The following PDE2A variants were observed in gnomAD, a reference collection of about 807,000 sequenced individuals.
PDE2A encodes phosphodiesterase 2A.
PDE2A carries 53 observed loss-of-function variants against 133.6 expected under a neutral mutation model. The ratio of observed to expected loss-of-function variants is 0.40; its 90% CI spans 0.32 to 0.50. PDE2A has a LOEUF of 0.50. Among genes scored for constraint, PDE2A ranks in the 20% least tolerant of loss-of-function variants. The pLI is 0.73. For synonymous variants in PDE2A, 491 were observed against 490.2 expected (o/e 1.00, Z -0.02); for missense variants, 796 against 1,232.4 (o/e 0.65, Z 5.30).
chr11:72,664,278 T>C (rs1003334394), intron 1 of PDE2A, among the ~76,000 whole-genome samples: 4 of 151,790 alleles, frequency 2.6e-5, no homozygotes, highest in Non-Finnish European at 5.9e-5. Flanking sequence ...ATCTCCATAA[T>C]ACTTGCTTCA....
intron 1 of PDE2A, among the ~76,000 whole-genome samples, chr11:72,644,788 C>T (rs1366044898): frequency 3.3e-5 from 5 of 151,820 alleles, no homozygotes; most frequent in East Asian, 1.9e-4. Context: ...GACGGAGTCT[C>T]GCTCTGTCAC....
chr11:72,616,138 G>A (rs1857460867), intron 2 of PDE2A, among the ~76,000 whole-genome samples: 1 of 152,230 alleles, frequency 6.6e-6, no homozygotes, highest in Admixed American at 6.5e-5. Flanking sequence ...CGCTGGGTCA[G>A]TGTCAGAAGA....
At chr11:72,670,379 C>T (rs932923597) in intron 1 of PDE2A, among the ~76,000 whole-genome samples, 20 of 152,108 alleles carry the variant, frequency 1.3e-4, no homozygotes, top group Admixed American at 1.2e-3. Flanking sequence ...GATCTCCCTC[C>T]TCTGTTCCCT....
intron 4 of PDE2A, among the ~76,000 whole-genome samples, chr11:72,602,787 G>T (rs1293782570): frequency 6.6e-6 from 1 of 152,194 alleles, no homozygotes. Flanking sequence ...AGAGAGACAG[G>T]GAGGGGGCTG....
chr11:72,665,574 G>A (rs1166041755), intron 1 of PDE2A, among the ~76,000 whole-genome samples: 1 of 152,190 alleles, frequency 6.6e-6, no homozygotes, highest in Non-Finnish European at 1.5e-5. Flanking sequence ...CAAGAGAGCT[G>A]AGGCACGTTC....
chr11:72,633,708 C>A (rs1386586766), intron 2 of PDE2A, among the ~76,000 whole-genome samples: 1 of 152,144 alleles, frequency 6.6e-6, no homozygotes, highest in African/African-American at 2.4e-5. Context: ...CAGTGTCTGC[C>A]AGAGGCAGGA....
At chr11:72,633,100 TCCATAGCCG>T (rs1399019470) in intron 2 of PDE2A, among the ~76,000 whole-genome samples, 2 of 152,158 alleles carry the variant, frequency 1.3e-5, no homozygotes, top group African/African-American at 2.4e-5. Flanking sequence ...AGGCCTGGAC[TCCATAGCCG>T]CCAGTTAGAG....
chr11:72,630,199 C>G (rs991976895), intron 2 of PDE2A, among the ~76,000 whole-genome samples: 30 of 152,074 alleles, frequency 2.0e-4, no homozygotes, highest in Admixed American at 3.9e-4. Flanking sequence ...GGTACCCATC[C>G]AAGGGTGGTA....
At chr11:72,668,191 G>C (rs887673629) in intron 1 of PDE2A, 10 of 711,966 alleles carry the variant, frequency 1.4e-5, no homozygotes, top group Non-Finnish European at 2.4e-5. Flanking sequence ...AACTTTAGTT[G>C]TCCACATCTT....
At chr11:72,616,470 G>A (rs1283924920) in intron 2 of PDE2A, among the ~76,000 whole-genome samples, 3 of 152,218 alleles carry the variant, frequency 2.0e-5, no homozygotes, top group African/African-American at 4.8e-5. Context: ...CCCCTCATAG[G>A]TGTTGGTAGG....
chr11:72,662,958 C>G (rs1855113971), intron 1 of PDE2A, among the ~76,000 whole-genome samples: 1 of 152,184 alleles, frequency 6.6e-6, no homozygotes, highest in African/African-American at 2.4e-5. Flanking sequence ...GAACCTGCCA[C>G]CCTTGATTTC....
chr11:72,586,567 T>A (rs932724196), intron 13 of PDE2A, among the ~76,000 whole-genome samples: 2 of 152,190 alleles, frequency 1.3e-5, no homozygotes, highest in African/African-American at 4.8e-5. Context: ...CTCCTGTCAC[T>A]ACCCCACTCT....
At chr11:72,623,475 A>T (rs1029603489) in intron 2 of PDE2A, among the ~76,000 whole-genome samples, 1 of 151,798 alleles carries the variant, frequency 6.6e-6, no homozygotes, top group Non-Finnish European at 1.5e-5. Flanking sequence ...TCTCTCCATT[A>T]TCCCAGCCAG....
At chr11:72,619,008 A>G (rs1230092133) in intron 2 of PDE2A, among the ~76,000 whole-genome samples, 1 of 152,146 alleles carries the variant, frequency 6.6e-6, no homozygotes, top group African/African-American at 2.4e-5. Context: ...CCTTCCTCAC[A>G]TCCCGAGGAT....
At position 72,590,989 on chromosome 11, in the gene PDE2A, A is replaced by G; in HGVS notation, c.549+308T>C. 1 of 408,640 alleles carries G rather than the reference A, an allele frequency of 2.4e-6. No individual in the cohort carries two copies. Among genetic ancestry groups the G allele is most frequent in the Non-Finnish European group, 4.4e-6 (1 of 227,754 alleles). The allele number at this position is 408,640 out of a possible 1,614,324, so 25.3% of individuals were successfully genotyped here. ...GTACAGATGCTCCTGGACTTAGGAT[A>G]GGGTTGCTTCCCCATAAATCCATCA... is the stretch of plus-strand genomic sequence containing the variant. On this transcript the variant is annotated intron_variant, in intron 7 of 30. Transcript: ENST00000334456. This position sits in a 1 kb window ranked among gnomAD's most constrained non-coding sequence, Gnocchi z 4.8.
intron 14 of PDE2A, 44 bp from the exon 15 acceptor site, chr11:72,585,637 G>A (rs186492608): frequency 6.3e-7 from 1 of 1,590,542 alleles, no homozygotes; most frequent in African/African-American, 1.3e-5. Context: ...CGGGGTGTAG[G>A]GGTCACCCTA....
chr11:72,673,691 TC>T (rs757418714), intron 1 of PDE2A, among the ~76,000 whole-genome samples: 1 of 151,136 alleles, frequency 6.6e-6, no homozygotes, highest in Admixed American at 6.6e-5. Context: ...TCTCCATCTT[TC>T]CCCCTCCCCA....
Position 72,577,465 on chromosome 11 carries a change from G to A in PDE2A, c.2745C>T (p.Phe915=). The A allele has an allele frequency of 6.2e-7, 1 of 1,614,042 alleles. No individual in the cohort carries two copies. The highest frequency in any genetic ancestry group is 8.5e-7 in the Non-Finnish European group (1 of 1,180,004). The stretch of plus-strand genomic sequence containing the variant: ...CAGGCACCTCGTACTCCTCATCCAG[G>A]AAGTCCAGCGAGTTGTTACTTGGGA... ...RGLPSNNSLD[F]LDEEYEVPDL... The change falls in exon 31 of 31, where the codon TTC becomes TTT. Residue 915 remains phenylalanine (F), a synonymous_variant. Transcript: ENST00000334456.
At chr11:72,587,100 C>T (rs1856010595) in intron 13 of PDE2A, among the ~76,000 whole-genome samples, 2 of 152,132 alleles carry the variant, frequency 1.3e-5, no homozygotes, top group Non-Finnish European at 2.9e-5. Context: ...TTTTTTTCTA[C>T]ACTGTTCCCT....
Sources: gnomAD v4.1 joint callset for allele counts (sites outside exome capture counted in the v4.1 genomes callset) on GRCh38, gnomAD v4.1.1 for gene constraint, Gnocchi (gnomAD v3.1) non-coding constraint, MANE v1.5 for transcripts, NCBI Gene and HGNC (gene_info 2026-07-23, HGNC 2026-07-21) for gene names.